Variants in ZBTB16 observed in about 807,000 individuals in gnomAD.
ZBTB16 encodes zinc finger and BTB domain-containing protein 16.
In ZBTB16, 8 loss-of-function variants were observed where a neutral mutation model predicts 56.8. The ratio of observed to expected loss-of-function variants is 0.14; its 90% CI spans 0.08 to 0.25. The LOEUF (loss-of-function observed/expected upper bound fraction) is 0.25. Among genes scored for constraint, ZBTB16 ranks in the 10% least tolerant of loss-of-function variants. The pLI, the probability that ZBTB16 is intolerant of heterozygous loss-of-function variation, is 1.00. For missense variants in ZBTB16, 625 were observed against 903.0 expected, an observed-to-expected ratio of 0.69 and a Z score of 3.95; for synonymous variants, 363 against 368.5, an observed-to-expected ratio of 0.98 and a Z score of 0.17.
intron 2 of ZBTB16, among the ~76,000 whole-genome samples, chr11:114,089,858 G>A (rs1276733273): frequency 1.3e-5 from 2 of 152,238 alleles, no homozygotes; most frequent in African/African-American, 2.4e-5. Context: ...TGTGTGCCAC[G>A]TAAAGGTTCA....
At chr11:114,187,607 A>T (rs1943392689) in intron 4 of ZBTB16, 1 of 173,724 alleles carries the variant, frequency 5.8e-6, no homozygotes, top group African/African-American at 2.4e-5. Flanking sequence ...TTGTCATCAC[A>T]TCATCACAGC....
At chr11:114,173,278 C>G (rs1244399141) in intron 3 of ZBTB16, among the ~76,000 whole-genome samples, 1 of 152,142 alleles carries the variant, frequency 6.6e-6, no homozygotes, top group African/African-American at 2.4e-5. Flanking sequence ...AATAGACATG[C>G]TCTGTTTTCT....
chr11:114,078,644 C>G (rs1939654021), intron 2 of ZBTB16, among the ~76,000 whole-genome samples: 1 of 152,006 alleles, frequency 6.6e-6, no homozygotes, highest in African/African-American at 2.4e-5. Context: ...GTTGAAACAG[C>G]TAGCTCAAAG....
At position 114,135,731 on chromosome 11, in the gene ZBTB16, A is replaced by G. The variant is rs142549920; in HGVS notation, c.1269-20606A>G. Among the ~76,000 whole-genome samples the G allele has an allele frequency of 6.6e-5, 10 of 152,346 alleles. No homozygotes were observed. In the East Asian group the frequency reaches 1.9e-3, roughly 29 times the overall value. On this transcript the variant is annotated intron_variant, in intron 2 of 6. Transcript: ENST00000335953. ...GCCACTCAGTTTATCGTAATTTGTTATGGCAACAAAAGGGAACTAATATAG... is the reference window on the plus strand; with the variant it reads ...GCCACTCAGTTTATCGTAATTTGTTGTGGCAACAAAAGGGAACTAATATAG...
intron 3 of ZBTB16, among the ~76,000 whole-genome samples, chr11:114,159,937 C>CGGCGGGGGGG (rs1555145906): frequency 1.1e-5 from 1 of 93,840 alleles, no homozygotes; most frequent in Non-Finnish European, 2.0e-5. Context: ...GCGGGGGAGG[C>CGGCGGGGGGG]GGGGGGGAGG....
intron 2 of ZBTB16, among the ~76,000 whole-genome samples, chr11:114,132,347 G>A (rs1175206904): frequency 2.0e-5 from 3 of 152,172 alleles, no homozygotes; most frequent in Non-Finnish European, 4.4e-5. Flanking sequence ...ATGCCTGCAA[G>A]ACTGATTGAT....
rs182885988 is a variant in ZBTB16 at position 114,151,514 on chromosome 11, G to T, written c.1269-4823G>T. ...CCAATTACAGGTCCTAGTTCCCCAT[G>T]CTGGTCTTTCCAGCAAAACTCACAG... On this transcript the variant is annotated intron_variant, in intron 2 of 6. Transcript: ENST00000335953. 2.0e-3 allele frequency among the ~76,000 whole-genome samples: 311 copies of T among 152,320 alleles called. 2 individuals are homozygous for T. Among genetic ancestry groups the T allele is most frequent in the African/African-American group, 7.2e-3 (299 of 41,576 alleles).
intron 2 of ZBTB16, among the ~76,000 whole-genome samples, chr11:114,108,418 T>A (rs1426073541): frequency 2.0e-5 from 3 of 152,216 alleles, no homozygotes; most frequent in African/African-American, 7.2e-5. Flanking sequence ...TCACAGTATC[T>A]AATTTTTAGA....
intron 3 of ZBTB16, among the ~76,000 whole-genome samples, chr11:114,172,138 A>G (rs996205519): frequency 4.6e-5 from 7 of 152,150 alleles, no homozygotes; most frequent in Non-Finnish European, 1.0e-4. Flanking sequence ...AGCTCCATCT[A>G]CCCACTCCGA....
Position 114,063,726 on chromosome 11 carries a change from C to G in ZBTB16, c.426C>G (p.Ala142=). 1 of 1,613,958 alleles carries G rather than the reference C, an allele frequency of 6.2e-7. No individual in the cohort carries two copies. Among genetic ancestry groups the G allele is most frequent in the Non-Finnish European group, 8.5e-7 (1 of 1,180,026 alleles). The change falls in exon 2 of 7, where the codon GCC becomes GCG. Residue 142 remains alanine (A), a synonymous_variant. Coordinates refer to ENST00000335953, the MANE Select transcript of ZBTB16 (RefSeq NM_006006.6). The surrounding 1 kb of genome is among the most constrained non-coding windows in gnomAD (Gnocchi z 6.5). ...AGGCCACCATGGCCGATGGCGGGGC[C>G]GAGGAAGAAGAGGACCGCAAGGCTC... is the stretch of plus-strand genomic sequence containing the variant. ...DTEATMADGG[A]EEEEDRKARY...
chr11:114,141,113 C>T (rs1259158169), intron 2 of ZBTB16, among the ~76,000 whole-genome samples: 1 of 152,210 alleles, frequency 6.6e-6, no homozygotes, highest in African/African-American at 2.4e-5. Context: ...GTGGATAAGC[C>T]AGGCCAGCCT....
chr11:114,226,268 G>A (rs972875042), intron 4 of ZBTB16, among the ~76,000 whole-genome samples: 111 of 152,348 alleles, frequency 7.3e-4, no homozygotes, highest in African/African-American at 2.6e-3. Context: ...CCCAAAGAGA[G>A]AAATGAAGAG....
chr11:114,227,811 G>A (rs1486568967), intron 4 of ZBTB16, among the ~76,000 whole-genome samples: 1 of 152,200 alleles, frequency 6.6e-6, no homozygotes, highest in East Asian at 1.9e-4. Flanking sequence ...GAAGGGTACA[G>A]GTAGTTTCAG....
At chr11:114,112,236 C>T (rs567563767) in intron 2 of ZBTB16, among the ~76,000 whole-genome samples, 2 of 152,198 alleles carry the variant, frequency 1.3e-5, no homozygotes, top group South Asian at 2.1e-4. Flanking sequence ...AAGATTCTTC[C>T]CAGTCTATCA....
At chr11:114,105,013 C>T (rs938880925) in intron 2 of ZBTB16, among the ~76,000 whole-genome samples, 3 of 152,190 alleles carry the variant, frequency 2.0e-5, no homozygotes, top group South Asian at 2.1e-4. Context: ...TACTTAACCC[C>T]TCGCCACCCA....
intron 2 of ZBTB16, among the ~76,000 whole-genome samples, chr11:114,066,768 ATTTTTT>A (rs11371325): frequency 9.0e-6 from 1 of 111,444 alleles, no homozygotes. Context: ...CACTCACTAC[ATTTTTT>A]TTTTTTTTTT....
intron 4 of ZBTB16, among the ~76,000 whole-genome samples, chr11:114,198,814 A>C (rs1943664856): frequency 6.6e-6 from 1 of 152,166 alleles, no homozygotes; most frequent in African/African-American, 2.4e-5. Context: ...CAGTCTGTGG[A>C]TTTGGACAGA....
At chr11:114,170,577 A>C (rs1279090393) in intron 3 of ZBTB16, among the ~76,000 whole-genome samples, 5 of 152,146 alleles carry the variant, frequency 3.3e-5, no homozygotes, top group Non-Finnish European at 5.9e-5. Context: ...CCTTCCCCCA[A>C]ACCAGTCCCG....
chr11:114,163,071 C>T (rs1455811989), intron 3 of ZBTB16, among the ~76,000 whole-genome samples: 1 of 152,156 alleles, frequency 6.6e-6, no homozygotes, highest in Admixed American at 6.5e-5. Flanking sequence ...CGTCCAAGCC[C>T]GTACACGGGA....
Sources: gnomAD v4.1 joint callset for allele counts (sites outside exome capture counted in the v4.1 genomes callset) on GRCh38, gnomAD v4.1.1 for gene constraint, Gnocchi (gnomAD v3.1) non-coding constraint, MANE v1.5 for transcripts, NCBI Gene and HGNC (gene_info 2026-07-23, HGNC 2026-07-21) for gene names.